Variants in ESR2 observed in about 807,000 individuals in gnomAD.
ESR2 encodes estrogen receptor 2, also known as estrogen receptor beta.
In ESR2, 36 loss-of-function variants were observed where a neutral mutation model predicts 49.6. The ratio of observed to expected loss-of-function variants is 0.73; its 90% confidence interval spans 0.56 to 0.96. ESR2 has a LOEUF of 0.96. Among genes scored for constraint, ESR2 ranks in the 40% least tolerant of loss-of-function variants. The probability of loss-of-function intolerance (pLI) is 0.00; values close to 1 mark genes in which losing one functional copy is unlikely to be tolerated. For synonymous variants in ESR2, 320 were observed against 266.1 expected (o/e 1.20, Z -1.97); for missense variants, 714 against 693.0 (o/e 1.03, Z -0.34).
chr14:64,318,537 CAAAAAAAAAAA>C (rs58597271), intron 1 of ESR2, among the ~76,000 whole-genome samples: 17 of 32,428 alleles, frequency 5.2e-4, no homozygotes, highest in South Asian at 1.7e-3. Context: ...AACTCCATCT[CAAAAAAAAAAA>C]AAAAAAAAAA....
At position 64,274,284 on chromosome 14, in the gene ESR2, A is replaced by C. The variant is rs373445584; in HGVS notation, c.536-5373T>G. On this transcript the variant is annotated intron_variant, in intron 3 of 8. Transcript: ENST00000341099. ...TTTTTATAACAGCTTCAATCTTGTT[A>C]CTTGTTACTGGTATGTTCAGGTTTC... Among the ~76,000 whole-genome samples the C allele has an allele frequency of 3.9e-5, 6 of 152,176 alleles. No individual in the cohort carries two copies. The South Asian group carries it at 8.3e-4, about 21-fold the overall frequency.
chr14:64,233,513 T>G (rs2098729358), intron 8 of ESR2, 190 bp from the exon 9 acceptor site: 1 of 579,096 alleles, frequency 1.7e-6, no homozygotes, highest in Admixed American at 3.0e-5. Flanking sequence ...AAGGACGATG[T>G]CTTGTCAGCC....
chr14:64,237,327 T>C (rs1191734262), intron 7 of ESR2, among the ~76,000 whole-genome samples: 1 of 152,162 alleles, frequency 6.6e-6, no homozygotes, highest in Non-Finnish European at 1.5e-5. Flanking sequence ...CTAATGTATG[T>C]TTTAGGTACA....
chr14:64,280,204 G>T, intron 2 of ESR2, 51 bp from the exon 3 acceptor site: 1 of 1,330,888 alleles, frequency 7.5e-7, no homozygotes, highest in Non-Finnish European at 1.0e-6. Context: ...GGGAAAGGAA[G>T]GGCTTTCTAG....
intron 1 of ESR2, among the ~76,000 whole-genome samples, chr14:64,316,196 G>C (rs1358077106): frequency 6.8e-6 from 1 of 147,430 alleles, no homozygotes; most frequent in African/African-American, 2.5e-5. Context: ...TTTTTCTGTA[G>C]AGACAGGGTC....
At chr14:64,266,623 T>A (rs2076334669) in intron 4 of ESR2, among the ~76,000 whole-genome samples, 1 of 152,244 alleles carries the variant, frequency 6.6e-6, no homozygotes, top group African/African-American at 2.4e-5. Context: ...TTTGTCAGAG[T>A]GCCAAGGCTT....
intron 4 of ESR2, among the ~76,000 whole-genome samples, chr14:64,264,433 C>A (rs2076282131): frequency 6.6e-6 from 1 of 151,786 alleles, no homozygotes; most frequent in Non-Finnish European, 1.5e-5. Flanking sequence ...ATTATACACC[C>A]AGGATAAAAT....
At chr14:64,235,840 G>A (rs2075585529) in intron 7 of ESR2, among the ~76,000 whole-genome samples, 1 of 152,066 alleles carries the variant, frequency 6.6e-6, no homozygotes, top group African/African-American at 2.4e-5. Context: ...CCCCCATCCT[G>A]CCCTGCCCTG....
intron 7 of ESR2, among the ~76,000 whole-genome samples, chr14:64,247,932 C>G (rs572778610): frequency 1.2e-4 from 19 of 152,034 alleles, no homozygotes; most frequent in African/African-American, 4.6e-4. Flanking sequence ...TAGATCTCTC[C>G]TAGTTGACCC....
At chr14:64,334,854 C>T (rs534678547) in intron 1 of ESR2, among the ~76,000 whole-genome samples, 1 of 152,272 alleles carries the variant, frequency 6.6e-6, no homozygotes, top group Non-Finnish European at 1.5e-5. Context: ...ACCATGTTGG[C>T]CAAGCTGGTC....
intron 1 of ESR2, among the ~76,000 whole-genome samples, chr14:64,310,315 A>AT (rs1280056000): frequency 5.4e-5 from 8 of 148,516 alleles, no homozygotes; most frequent in African/African-American, 2.0e-4. Flanking sequence ...AATAATAATA[A>AT]TAATTCTGGG....
chr14:64,338,456 C>T (rs941472806), upstream of ESR2: 2 of 154,712 alleles, frequency 1.3e-5, no homozygotes, highest in African/African-American at 2.4e-5. Context: ...GCGCGCCAAG[C>T]TCTCCAGTTC....
chr14:64,269,594 C>T (rs1421292232), intron 3 of ESR2, among the ~76,000 whole-genome samples: 5 of 152,170 alleles, frequency 3.3e-5, no homozygotes, highest in Non-Finnish European at 5.9e-5. Context: ...TTGGCTTGGC[C>T]TCTTGAGCTC....
chr14:64,282,512 T>G, intron 2 of ESR2, 112 bp downstream of exon 2: 1 of 1,176,084 alleles, frequency 8.5e-7, no homozygotes, highest in Non-Finnish European at 1.2e-6. Flanking sequence ...AAGTAAACTA[T>G]GTAATTAATA....
intron 1 of ESR2, among the ~76,000 whole-genome samples, chr14:64,332,967 C>T (rs1456472112): frequency 1.3e-5 from 2 of 149,490 alleles, no homozygotes; most frequent in Non-Finnish European, 1.5e-5. Context: ...AGCTCTGCCT[C>T]CTGGGTTCAC....
intron 2 of ESR2, among the ~76,000 whole-genome samples, chr14:64,282,258 T>C (rs2076687391): frequency 6.6e-6 from 1 of 152,146 alleles, no homozygotes; most frequent in Non-Finnish European, 1.5e-5. Flanking sequence ...GGCACGAGAA[T>C]TGCTTGAACC....
At chr14:64,245,508 TCAAA>T in intron 7 of ESR2, among the ~76,000 whole-genome samples, 1 of 32,932 alleles carries the variant, frequency 3.0e-5, no homozygotes, top group Non-Finnish European at 5.1e-5. Flanking sequence ...CAAGACTCTG[TCAAA>T]AAAAAAAAAA....
At chr14:64,261,201 C>T (rs2076213323) in intron 4 of ESR2, among the ~76,000 whole-genome samples, 1 of 149,062 alleles carries the variant, frequency 6.7e-6, no homozygotes, top group African/African-American at 2.5e-5. Context: ...TTGGCATAAA[C>T]TCTTTCAGTC....
chr14:64,272,946 T>C (rs1489582939), intron 3 of ESR2, among the ~76,000 whole-genome samples: 1 of 152,142 alleles, frequency 6.6e-6, no homozygotes, highest in African/African-American at 2.4e-5. Context: ...AATCTGTAGA[T>C]TGCTTTGGGT....
Sources: allele counts gnomAD v4.1 joint callset (sites outside exome capture counted in the v4.1 genomes callset), GRCh38; gene constraint gnomAD v4.1.1; transcripts MANE v1.5; gene names NCBI Gene and HGNC (gene_info 2026-07-23, HGNC 2026-07-21).